Variants in SEMA6D observed in about 807,000 individuals in gnomAD.
SEMA6D encodes semaphorin 6D.
In SEMA6D, 35 loss-of-function variants were observed where a neutral mutation model predicts 106.6. That is an observed-to-expected ratio of 0.33 (90% CI 0.25 to 0.44). The LOEUF is 0.44. Among genes scored for constraint, SEMA6D ranks in the 20% least tolerant of loss-of-function variants. The pLI, the probability that SEMA6D is intolerant of heterozygous loss-of-function variation, is 1.00. For missense variants in SEMA6D, 1,185 were observed against 1,345.9 expected (o/e 0.88, Z 1.87); for synonymous variants, 499 against 487.7 (o/e 1.02, Z -0.31).
intron 1 of SEMA6D, among the ~76,000 whole-genome samples, chr15:47,246,737 T>A (rs2033228772): frequency 6.6e-6 from 1 of 152,298 alleles, no homozygotes; most frequent in African/African-American, 2.4e-5. Flanking sequence ...TAGAATAATC[T>A]CCCTAACTCA....
chr15:47,681,423 T>C (rs2078350560), intron 4 of SEMA6D, among the ~76,000 whole-genome samples: 1 of 152,170 alleles, frequency 6.6e-6, no homozygotes, highest in Non-Finnish European at 1.5e-5. Context: ...GAAAGTAGAA[T>C]GGTGGTTTCC....
chr15:47,335,926 G>A (rs2037536641), intron 1 of SEMA6D, among the ~76,000 whole-genome samples: 1 of 152,114 alleles, frequency 6.6e-6, no homozygotes, highest in South Asian at 2.1e-4. Context: ...CAGCATAAAA[G>A]GGCCTTGAAC....
At chr15:47,472,391 G>A (rs908000752) in intron 3 of SEMA6D, among the ~76,000 whole-genome samples, 7 of 152,112 alleles carry the variant, frequency 4.6e-5, no homozygotes, top group Admixed American at 1.3e-4. Flanking sequence ...CCTAATTATC[G>A]GTAGGCCATG....
intron 4 of SEMA6D, among the ~76,000 whole-genome samples, chr15:47,632,549 G>T (rs1427787701): frequency 1.3e-5 from 2 of 152,018 alleles, no homozygotes; most frequent in East Asian, 1.9e-4. Flanking sequence ...AACATTTGTT[G>T]TGAATTCTAC....
At chr15:47,205,744 A>G (rs1895015972) in intron 1 of SEMA6D, among the ~76,000 whole-genome samples, 1 of 151,928 alleles carries the variant, frequency 6.6e-6, no homozygotes, top group Non-Finnish European at 1.5e-5. Flanking sequence ...AAAAATTAAA[A>G]ATATTTTATT....
chr15:47,770,983 A>C lies in SEMA6D; in HGVS notation c.2420A>C (p.Gln807Pro), dbSNP rs1210205014. ...GHGASRKETP[Q>P]FFPSSPPPHS... ...GGAGCTTCAAGGAAAGAAACCCCTC[A>C]GTTTTTTCCGTCTAGTCCGCCACCT... Residue 807 changes from glutamine (Q) to proline (P), a missense_variant, in exon 19 of 19, where the codon CAG (glutamine) becomes CCG (proline). Transcript: ENST00000536845. The C allele has an allele frequency of 6.2e-7, 1 of 1,614,052 alleles. No homozygotes were observed. The highest frequency in any genetic ancestry group is 2.2e-5 in the East Asian group (1 of 44,860).
rs117048643 is a variant in SEMA6D, at chr15:47,707,238, T to C, written c.-54-52507T>C. ...TGTTTCCCTAAGTTCATTTACACTT[T>C]AGCAGCAAATCTTGATGATCAGAGC... is the stretch of plus-strand genomic sequence containing the variant. On this transcript the variant is annotated intron_variant, in intron 4 of 19. Transcript: ENST00000558014. 5.5e-3 allele frequency among the ~76,000 whole-genome samples: 838 copies of C among 152,286 alleles called. 6 individuals are homozygous for C. The highest frequency in any genetic ancestry group is 0.017 in the Admixed American group (267 of 15,292).
At position 47,772,596 on chromosome 15, in the gene SEMA6D, A is replaced by C. The variant is rs1348426966; in HGVS notation, c.*811A>C. 6.6e-6 allele frequency: 1 copy of C among 152,584 alleles called. No individual in the cohort carries two copies. Among genetic ancestry groups the C allele is most frequent in the Non-Finnish European group, 1.5e-5 (1 of 68,036 alleles). The allele number at this position is 152,584 out of a possible 1,614,324, so 9.5% of individuals were successfully genotyped here. A position where few individuals can be genotyped will look rare whatever the true frequency, so the allele number is the denominator to read the frequency against. ...ATGTGGTACCCAATGCCAGAATGTA[A>C]GAGTTGCAAGTGATTTTGTGCTGCT... On this transcript the variant is annotated 3_prime_UTR_variant, in exon 19 of 19. Transcript: ENST00000536845.
chr15:47,695,840 A>G (rs754572651), intron 4 of SEMA6D, among the ~76,000 whole-genome samples: 1 of 152,142 alleles, frequency 6.6e-6, no homozygotes, highest in Non-Finnish European at 1.5e-5. Flanking sequence ...TTGATTTGTG[A>G]TAAACCAAGC....
chr15:47,208,244 T>C (rs1270331017), intron 1 of SEMA6D, among the ~76,000 whole-genome samples: 1 of 152,092 alleles, frequency 6.6e-6, no homozygotes, highest in Non-Finnish European at 1.5e-5. Context: ...TTAGTTAACG[T>C]ATTAAAACCA....
intron 1 of SEMA6D, among the ~76,000 whole-genome samples, chr15:47,298,750 A>G (rs1027925977): frequency 6.6e-6 from 1 of 152,158 alleles, no homozygotes; most frequent in African/African-American, 2.4e-5. Flanking sequence ...TCCTTCTGCA[A>G]TAACCAACTC....
At chr15:47,563,977 A>C (rs920265862) in intron 3 of SEMA6D, among the ~76,000 whole-genome samples, 2 of 152,214 alleles carry the variant, frequency 1.3e-5, no homozygotes. Context: ...CTGCAAGTGT[A>C]AATCTGTGAT....
At chr15:47,281,204 T>A (rs4566094) in intron 1 of SEMA6D, among the ~76,000 whole-genome samples, 1 of 113,580 alleles carries the variant, frequency 8.8e-6, no homozygotes, top group African/African-American at 3.3e-5. Flanking sequence ...TTATGAATCT[T>A]GGTGCTCCTG....
intron 3 of SEMA6D, among the ~76,000 whole-genome samples, chr15:47,582,609 C>T (rs1351201767): frequency 6.6e-6 from 1 of 152,174 alleles, no homozygotes; most frequent in African/African-American, 2.4e-5. Context: ...CCTGAGCTCA[C>T]ACATCCCTTG....
chr15:47,563,423 G>A (rs762109712), intron 3 of SEMA6D, among the ~76,000 whole-genome samples: 1 of 152,070 alleles, frequency 6.6e-6, no homozygotes, highest in Non-Finnish European at 1.5e-5. Context: ...TTGTTAAAAG[G>A]CTGAATGCCA....
chr15:47,648,479 A>AGAATGAATGAATGAATGAATGAATGAAT (rs112820950), intron 4 of SEMA6D, among the ~76,000 whole-genome samples: 4 of 150,944 alleles, frequency 2.6e-5, no homozygotes, highest in African/African-American at 9.8e-5. Flanking sequence ...ACTGGGTTGG[A>AGAATGAATGAATGAATGAATGAATGAAT]GAATGAATGA....
chr15:47,567,349 A>G (rs2046258002), intron 3 of SEMA6D, among the ~76,000 whole-genome samples: 1 of 152,240 alleles, frequency 6.6e-6, no homozygotes, highest in Non-Finnish European at 1.5e-5. Flanking sequence ...GTGAGGAAAA[A>G]TATGTATGCA....
chr15:47,745,328 C>G lies in SEMA6D; in HGVS notation c.-54-14417C>G, dbSNP rs191620142. The stretch of plus-strand genomic sequence containing the variant: ...GTAGCTGCTAGTGTGATCCTATCCC[C>G]AACATACAGGGTAATGGAGGGACCA... On this transcript the variant is annotated intron_variant, in intron 1 of 18. Transcript: ENST00000536845. 1.2e-4 allele frequency among the ~76,000 whole-genome samples: 19 copies of G among 152,298 alleles called. No homozygotes were observed. In the East Asian group the frequency reaches 3.7e-3, roughly 29 times the overall value.
intron 2 of SEMA6D, among the ~76,000 whole-genome samples, chr15:47,440,428 G>A (rs1264028483): frequency 6.6e-6 from 1 of 152,060 alleles, no homozygotes; most frequent in Non-Finnish European, 1.5e-5. Context: ...GCTATAGTCA[G>A]TAAGAAATAC....
Sources: gnomAD v4.1 joint callset for allele counts (sites outside exome capture counted in the v4.1 genomes callset) on GRCh38, gnomAD v4.1.1 for gene constraint, MANE v1.5 for transcripts, NCBI Gene and HGNC (gene_info 2026-07-23, HGNC 2026-07-21) for gene names.